KIF16B: variants seen among roughly 807,000 people sequenced by gnomAD.
KIF16B encodes kinesin family member 16B, also known as kinesin-like protein KIF16B.
A neutral mutation model predicts 156.3 loss-of-function variants in KIF16B; 98 were observed. That is an observed-to-expected ratio of 0.63 (90% confidence interval 0.53 to 0.74). KIF16B has a LOEUF of 0.74. KIF16B is among the 30% of genes least tolerant of loss of function. The pLI, the probability that KIF16B is intolerant of heterozygous loss-of-function variation, is 0.00. For missense variants in KIF16B, 1,421 were observed against 1,606.5 expected (o/e 0.88, Z 1.97); for synonymous variants, 564 against 583.7 (o/e 0.97, Z 0.49).
chr20:16,299,920 T>C (rs1490187994), intron 25 of KIF16B, among the ~76,000 whole-genome samples: 1 of 152,176 alleles, frequency 6.6e-6, no homozygotes, highest in East Asian at 1.9e-4. Context: ...TCACTTAGAA[T>C]ATCGCAAATA....
At chr20:16,479,248 T>G (rs748948455) in intron 12 of KIF16B, among the ~76,000 whole-genome samples, 5 of 152,078 alleles carry the variant, frequency 3.3e-5, no homozygotes, top group Admixed American at 1.3e-4. Context: ...AACAAACTAA[T>G]GCAGGAACAG....
At chr20:16,532,497 G>A (rs2147179173) in intron 1 of KIF16B, among the ~76,000 whole-genome samples, 1 of 152,252 alleles carries the variant, frequency 6.6e-6, no homozygotes. Context: ...AACTGCTTCA[G>A]GGACACCCCA....
intron 1 of KIF16B, among the ~76,000 whole-genome samples, chr20:16,557,963 G>A (rs1176453780): frequency 6.6e-6 from 1 of 152,156 alleles, no homozygotes; most frequent in East Asian, 1.9e-4. Flanking sequence ...AAACCAGTAA[G>A]TAAGGAAAAT....
At chr20:16,396,651 T>C (rs192292377) in intron 17 of KIF16B, among the ~76,000 whole-genome samples, 16 of 113,396 alleles carry the variant, frequency 1.4e-4, no homozygotes, top group African/African-American at 3.9e-4. Context: ...GTAGTCGCTT[T>C]TTTTTTTTTT....
intron 12 of KIF16B, among the ~76,000 whole-genome samples, chr20:16,469,284 T>G (rs1187054644): frequency 8.7e-6 from 1 of 114,560 alleles, no homozygotes; most frequent in Non-Finnish European, 2.0e-5. Flanking sequence ...AAAAAAATGG[T>G]CTCCTTTCAG....
intron 12 of KIF16B, among the ~76,000 whole-genome samples, chr20:16,445,657 A>G (rs932368563): frequency 1.4e-4 from 22 of 152,240 alleles, no homozygotes; most frequent in African/African-American, 5.3e-4. Context: ...CACTTTTAGC[A>G]GGGAAAGGCA....
intron 1 of KIF16B, among the ~76,000 whole-genome samples, chr20:16,572,690 C>T (rs1055138678): frequency 2.0e-4 from 31 of 152,234 alleles, no homozygotes; most frequent in African/African-American, 6.5e-4. Flanking sequence ...GCGTCCCTGA[C>T]TTTTTTCTAG....
At chr20:16,493,920 T>C (rs1022051502) in intron 12 of KIF16B, among the ~76,000 whole-genome samples, 1 of 152,202 alleles carries the variant, frequency 6.6e-6, no homozygotes, top group Non-Finnish European at 1.5e-5. Flanking sequence ...AATATTTTTT[T>C]CATTTAATAT....
intron 12 of KIF16B, 74 bp downstream of exon 12, chr20:16,494,217 A>AT: frequency 1.2e-6 from 1 of 853,350 alleles, no homozygotes; most frequent in Non-Finnish European, 1.9e-6. Flanking sequence ...ATGTTTGGAG[A>AT]TTAAAAAAAA....
chr20:16,427,609 A>G (rs1410517972), intron 14 of KIF16B, among the ~76,000 whole-genome samples: 1 of 152,160 alleles, frequency 6.6e-6, no homozygotes, highest in Non-Finnish European at 1.5e-5. Flanking sequence ...TCAGCCACCC[A>G]GAGGCCACAG....
At chr20:16,566,740 A>G (rs2071270113) in intron 1 of KIF16B, among the ~76,000 whole-genome samples, 1 of 152,210 alleles carries the variant, frequency 6.6e-6, no homozygotes. Flanking sequence ...GCACAAGAGA[A>G]TTTTCCAGGA....
At chr20:16,559,672 G>A (rs1485090916) in intron 1 of KIF16B, among the ~76,000 whole-genome samples, 1 of 152,124 alleles carries the variant, frequency 6.6e-6, no homozygotes, top group African/African-American at 2.4e-5. Flanking sequence ...CGGCTCCTCA[G>A]GAGGCTGAGG....
intron 18 of KIF16B, among the ~76,000 whole-genome samples, chr20:16,381,168 T>A (rs1405968863): frequency 6.6e-6 from 1 of 152,032 alleles, no homozygotes; most frequent in Non-Finnish European, 1.5e-5. Flanking sequence ...ACTGCCCAAA[T>A]CAATTAAACA....
At chr20:16,320,659 A>G (rs1426484006) in intron 24 of KIF16B, among the ~76,000 whole-genome samples, 1 of 152,250 alleles carries the variant, frequency 6.6e-6, no homozygotes, top group African/African-American at 2.4e-5. Flanking sequence ...TCTGAAGCAG[A>G]TAAGAACTCA....
At position 16,526,172 on chromosome 20, in the gene KIF16B, CTCT is replaced by C. The variant is rs752515871; in HGVS notation, c.148_150del (p.Arg50del). The stretch of plus-strand genomic sequence containing the variant: ...TCATAGGTGAAGGTCTTGGTCCGTT[CTCT>C]TCCTGAGTCCCCAGTGCCTCCTTCT... On this transcript the variant is annotated inframe_deletion, in exon 3 of 26. Transcript: ENST00000354981. 6.2e-7 allele frequency: 1 copy of C among 1,606,016 alleles called. No individual in the cohort carries two copies. Among genetic ancestry groups the C allele is most frequent in the Admixed American group, 1.7e-5 (1 of 59,214 alleles).
intron 24 of KIF16B, among the ~76,000 whole-genome samples, chr20:16,325,935 T>C (rs904461078): frequency 6.6e-6 from 1 of 152,152 alleles, no homozygotes; most frequent in Non-Finnish European, 1.5e-5. Context: ...AGCATGTTAC[T>C]GGTATAAAAA....
intron 1 of KIF16B, among the ~76,000 whole-genome samples, chr20:16,536,641 G>A (rs951690851): frequency 9.2e-5 from 14 of 152,164 alleles, no homozygotes; most frequent in Admixed American, 3.9e-4. Flanking sequence ...CAAAACCAGC[G>A]TGATATCTAT....
chr20:16,426,454 G>T (rs1429200551), intron 15 of KIF16B, among the ~76,000 whole-genome samples: 1 of 152,144 alleles, frequency 6.6e-6, no homozygotes, highest in Non-Finnish European at 1.5e-5. Flanking sequence ...ACAGGAAATA[G>T]AACTAAATAT....
intron 12 of KIF16B, among the ~76,000 whole-genome samples, chr20:16,459,698 G>T (rs565612005): frequency 6.6e-6 from 1 of 152,312 alleles, no homozygotes; most frequent in East Asian, 1.9e-4. Flanking sequence ...GCTATCTTGG[G>T]CCTGCTCCTC....
Sources: gnomAD v4.1 joint callset for allele counts (sites outside exome capture counted in the v4.1 genomes callset) on GRCh38, gnomAD v4.1.1 for gene constraint, MANE v1.5 for transcripts, NCBI Gene and HGNC (gene_info 2026-07-23, HGNC 2026-07-21) for gene names.